The following EIF2S3 variants were observed in gnomAD, a reference collection of about 807,000 sequenced individuals.
EIF2S3 encodes eukaryotic translation initiation factor 2 subunit 3.
Under a neutral mutation model 31.7 loss-of-function variants are expected in EIF2S3, and 2 were observed. The observed-to-expected ratio is 0.06, with a 90% CI of 0.03 to 0.20. The LOEUF is 0.20. EIF2S3 is among the 10% of genes least tolerant of loss of function. The pLI is 1.00. For synonymous variants in EIF2S3, 120 were observed against 126.7 expected, an observed-to-expected ratio of 0.95 and a Z score of 0.36; for missense variants, 96 against 359.3, an observed-to-expected ratio of 0.27 and a Z score of 5.92.
chrX:24,069,218 C>G (rs1222606133), intron 9 of EIF2S3, among the ~76,000 whole-genome samples: 1 of 108,310 alleles, frequency 9.2e-6, no homozygotes, highest in Non-Finnish European at 1.9e-5. Flanking sequence ...CTTGTCTCTA[C>G]TAAAAATACA....
At chrX:24,071,799 T>A (rs1430624852) in intron 10 of EIF2S3, 72 bp downstream of exon 10, 18 of 1,070,082 alleles carry the variant, frequency 1.7e-5, no homozygotes, top group Non-Finnish European at 1.9e-5. Flanking sequence ...TGTTGAGTTT[T>A]ATTGTTTTAC....
chrX:24,055,774 T>G, intron 2 of EIF2S3, 96 bp downstream of exon 2: 2 of 864,145 alleles, frequency 2.3e-6, no homozygotes, highest in Non-Finnish European at 3.4e-6. Flanking sequence ...GATTCAGATA[T>G]TCAAGAAATA....
intron 9 of EIF2S3, among the ~76,000 whole-genome samples, chrX:24,069,297 G>A (rs1453047088): frequency 2.8e-5 from 3 of 106,243 alleles, no homozygotes; most frequent in African/African-American, 1.0e-4. Flanking sequence ...CATGAGAATC[G>A]CTTGAACCCA....
chrX:24,061,530 G>C (rs1013156204), intron 5 of EIF2S3, among the ~76,000 whole-genome samples: 3 of 109,815 alleles, frequency 2.7e-5, no homozygotes, highest in African/African-American at 1.0e-4. Context: ...CTGCACTCCA[G>C]CCTGGGTGAC....
rs1930759748 is a variant in EIF2S3 at position 24,076,869 on chromosome X, T to C, written c.*84T>C. 9.7e-6 allele frequency: 8 copies of C among 827,300 alleles called. No individual in the cohort carries two copies. The highest frequency in any genetic ancestry group is 1.4e-5 in the Non-Finnish European group (8 of 591,631). The allele number at this position is 827,300 out of a possible 1,213,427, so 68.2% of individuals were successfully genotyped here. A position where few individuals can be genotyped will look rare whatever the true frequency, so the allele number is the denominator to read the frequency against. Reference sequence around the variant, plus strand: ...ACCAAGGGGTTTATTTTCAAAGCAATATTGGGGAATTGATTTCACAGTTCG... The same window carrying C: ...ACCAAGGGGTTTATTTTCAAAGCAACATTGGGGAATTGATTTCACAGTTCG... On this transcript the variant is annotated 3_prime_UTR_variant, in exon 12 of 12. Coordinates refer to ENST00000253039, the MANE Select transcript of EIF2S3 (RefSeq NM_001415.4).
chrX:24,061,271 A>AG (rs1930488849), intron 5 of EIF2S3, among the ~76,000 whole-genome samples: 1 of 103,157 alleles, frequency 9.7e-6, no homozygotes, highest in African/African-American at 3.6e-5. Context: ...AAAAAAAAAA[A>AG]AAAAGCTGGG....
chrX:24,059,468 G>T (rs1167623741), intron 4 of EIF2S3, among the ~76,000 whole-genome samples: 1 of 109,105 alleles, frequency 9.2e-6, no homozygotes, highest in Non-Finnish European at 1.9e-5. Flanking sequence ...TGTTGCCCAG[G>T]CTGGAATGCC....
intron 9 of EIF2S3, among the ~76,000 whole-genome samples, chrX:24,070,599 C>A (rs1930655409): frequency 9.2e-6 from 1 of 108,216 alleles, no homozygotes; most frequent in Non-Finnish European, 1.9e-5. Context: ...TGCCACCATG[C>A]CCAGCTATTG....
chrX:24,065,893 G>T, intron 7 of EIF2S3, 105 bp from the exon 8 acceptor site: 2 of 651,498 alleles, frequency 3.1e-6, no homozygotes, highest in Non-Finnish European at 4.7e-6. Context: ...GCACCCCTTT[G>T]GTATAAATCT....
chrX:24,075,107 C>A (rs779428429), intron 11 of EIF2S3, among the ~76,000 whole-genome samples: 1 of 110,026 alleles, frequency 9.1e-6, no homozygotes, highest in Admixed American at 9.9e-5. Context: ...TCAGGTGATC[C>A]GCCCTCCTTG....
intron 9 of EIF2S3, among the ~76,000 whole-genome samples, chrX:24,070,838 C>G (rs1034218904): frequency 9.0e-5 from 10 of 111,669 alleles, no homozygotes; most frequent in African/African-American, 3.3e-4. Context: ...TTCTTTCGGT[C>G]TTTGTTAAGG....
intron 9 of EIF2S3, among the ~76,000 whole-genome samples, chrX:24,068,374 A>G (rs1930609961): frequency 9.0e-6 from 1 of 111,701 alleles, no homozygotes; most frequent in Non-Finnish European, 1.9e-5. Context: ...AATAAATTTG[A>G]TGACTTATCA....
chrX:24,058,536 C>CTTTTTTTTTTTTTTTTTTTT (rs1183377998), intron 4 of EIF2S3, among the ~76,000 whole-genome samples: 2 of 83,079 alleles, frequency 2.4e-5, no homozygotes, highest in East Asian at 3.6e-4. Flanking sequence ...TTTTTTCTTT[C>CTTTTTTTTTTTTTTTTTTTT]TTTTTTTTTT....
chrX:24,059,193 A>G (rs1211184727), intron 4 of EIF2S3, among the ~76,000 whole-genome samples: 1 of 112,183 alleles, frequency 8.9e-6, no homozygotes, highest in South Asian at 3.6e-4. Flanking sequence ...TTCTTCTATT[A>G]CAGAAGCAAA....
chrX:24,060,948 CAAA>C (rs35873085), intron 5 of EIF2S3, among the ~76,000 whole-genome samples: 160 of 24,304 alleles, frequency 6.6e-3, no homozygotes, highest in African/African-American at 0.029. Flanking sequence ...AACTACATCT[CAAA>C]AAAAAAAAAA....
chrX:24,063,420 G>C (rs1360005405), intron 6 of EIF2S3, among the ~76,000 whole-genome samples: 2 of 111,969 alleles, frequency 1.8e-5, no homozygotes, highest in Admixed American at 9.6e-5. Flanking sequence ...AAGTGAATTT[G>C]ATTAAAGTCT....
At position 24,055,644 on chromosome X, in the gene EIF2S3, C is replaced by A; in HGVS notation, c.99C>A (p.His33Gln). The A allele has an allele frequency of 8.3e-7, 1 of 1,210,755 alleles. No homozygotes were observed. Among genetic ancestry groups the A allele is most frequent in the South Asian group, 1.8e-5 (1 of 57,003 alleles). ...LDVTKLTPLS[H>Q]EVISRQATIN... Reference sequence around the variant, plus strand: ...TTACCAAGTTGACGCCACTTTCACACGAAGTTATCAGCAGACAAGCCACAA... The same window carrying A: ...TTACCAAGTTGACGCCACTTTCACAAGAAGTTATCAGCAGACAAGCCACAA... Residue 33 changes from histidine to glutamine, a missense_variant, in exon 2 of 12, where the codon CAC (histidine) becomes CAA (glutamine). His to Gln is a conservative substitution (Grantham distance 24). Transcript: ENST00000253039.
At chrX:24,072,977 A>G (rs971071100) in intron 10 of EIF2S3, 114 bp from the exon 11 acceptor site, 4 of 842,004 alleles carry the variant, frequency 4.8e-6, no homozygotes, top group African/African-American at 2.1e-5. Flanking sequence ...AAATTTCTAT[A>G]GAATTTTTTT....
intron 10 of EIF2S3, 95 bp from the exon 11 acceptor site, chrX:24,072,996 A>G: frequency 1.1e-6 from 1 of 945,695 alleles, no homozygotes; most frequent in Non-Finnish European, 1.5e-6. Flanking sequence ...TTTATGATTG[A>G]CATATTTCCC....
Sources: allele counts gnomAD v4.1 joint callset (sites outside exome capture counted in the v4.1 genomes callset), GRCh38; gene constraint gnomAD v4.1.1; transcripts MANE v1.5; gene names NCBI Gene and HGNC (gene_info 2026-07-23, HGNC 2026-07-21).